Variants in VILL observed in about 807,000 individuals in gnomAD.
VILL encodes the protein villin like.
A neutral mutation model predicts 106.3 loss-of-function variants in VILL; 102 were observed. The observed-to-expected ratio is 0.96, with a 90% CI of 0.82 to 1.13. VILL has a LOEUF of 1.13. Ranked by LOEUF, VILL falls within the 50% of genes most tolerant of loss-of-function variation. The pLI is 0.00. For synonymous variants in VILL, 431 were observed against 440.3 expected (o/e 0.98, Z 0.27); for missense variants, 1,076 against 1,116.6 (o/e 0.96, Z 0.52).
intron 1 of VILL, among the ~76,000 whole-genome samples, chr3:37,991,925 A>C (rs1240820418): frequency 6.6e-6 from 1 of 152,076 alleles, no homozygotes; most frequent in Non-Finnish European, 1.5e-5. Flanking sequence ...AAAGAGAATG[A>C]ACACAGGTGC....
At chr3:38,002,346 A>G in intron 13 of VILL, 50 bp from the exon 14 acceptor site, 2 of 1,537,012 alleles carry the variant, frequency 1.3e-6, no homozygotes, top group South Asian at 2.5e-5. Context: ...CTGGGACAGG[A>G]AGGCGCCCCT....
At chr3:38,005,101 T>C (rs140822903) in intron 16 of VILL, among the ~76,000 whole-genome samples, 1 of 152,218 alleles carries the variant, frequency 6.6e-6, no homozygotes, top group Non-Finnish European at 1.5e-5. Context: ...GATGACTGTG[T>C]GTCTGTGTAA....
rs367971860 is a variant in VILL at position 37,999,292 on chromosome 3, T to TG, written c.1082-38dup. 6.8e-3 allele frequency: 5,485 copies of TG among 809,882 alleles called. 11 individuals carry two copies. The highest frequency in any genetic ancestry group is 0.03 in the South Asian group (1,042 of 34,902). The allele number at this position is 809,882 out of a possible 1,614,324, so 50.2% of individuals were successfully genotyped here. A position where few individuals can be genotyped will look rare whatever the true frequency, so the allele number is the denominator to read the frequency against. On this transcript the variant is annotated intron_variant, in intron 10 of 19. Transcript: ENST00000383759. ...GGAGTGGGCGGGGCGGAGATGGTGT[T>TG]GGGGGGGGGCAGAGGGCGCCACTGA...
At chr3:38,005,246 C>G (rs1372778563) in intron 16 of VILL, among the ~76,000 whole-genome samples, 2 of 152,152 alleles carry the variant, frequency 1.3e-5, no homozygotes, top group South Asian at 4.1e-4. Context: ...GTGACCTGGC[C>G]AGCCCCAACT....
At chr3:37,995,662 G>A (rs1426338818) in intron 4 of VILL, 77 bp from the exon 5 acceptor site, 1 of 1,223,482 alleles carries the variant, frequency 8.2e-7, no homozygotes, top group South Asian at 1.2e-5. Context: ...GCTCACATCT[G>A]CAGTCATTCA....
intron 5 of VILL, 80 bp from the exon 6 acceptor site, chr3:37,996,997 C>A: frequency 1.6e-6 from 2 of 1,284,624 alleles, no homozygotes; most frequent in Non-Finnish European, 2.3e-6. Flanking sequence ...GCTTCATGCA[C>A]ACGTGACACA....
chr3:37,990,453 G>C (rs573968738), upstream of VILL, among the ~76,000 whole-genome samples: 2 of 152,156 alleles, frequency 1.3e-5, no homozygotes, highest in Admixed American at 6.5e-5. The surrounding 1 kb of genome is among the most constrained non-coding windows in gnomAD (Gnocchi z 5.1). Flanking sequence ...CCACCACTCC[G>C]GGTGAGGGAT....
intron 15 of VILL, chr3:38,004,025 G>A: frequency 2.1e-6 from 1 of 473,482 alleles, no homozygotes; most frequent in Non-Finnish European, 3.7e-6. Flanking sequence ...GGAAATTCAT[G>A]GGGCACCTTG....
At chr3:38,002,105 C>T in intron 13 of VILL, 2 of 680,398 alleles carry the variant, frequency 2.9e-6, no homozygotes. Flanking sequence ...TGGGGCTGCA[C>T]ACTAGCAAAC....
rs1699662955 is a variant in VILL at position 37,994,368 on chromosome 3, G to T, written c.243G>T (p.Gln81His). The T allele has an allele frequency of 6.2e-7, 1 of 1,611,996 alleles. No homozygotes were observed. Among genetic ancestry groups the T allele is most frequent in the African/African-American group, 1.3e-5 (1 of 74,928 alleles). Residue 81 changes from glutamine to histidine, a missense_variant, in exon 4 of 20, where the codon CAG (glutamine) becomes CAT (histidine). Transcript: ENST00000383759. ...EAQGAAEAFQ[Q>H]RLQDELGGQT... ...AGGGCGCTGCGGAGGCCTTCCAGCAGCGCCTACAGGACGAGCTGGGGGGCC... is the reference window on the plus strand; with the variant it reads ...AGGGCGCTGCGGAGGCCTTCCAGCATCGCCTACAGGACGAGCTGGGGGGCC...
intron 3 of VILL, 40 bp downstream of exon 3, chr3:37,994,012 G>T: frequency 6.2e-7 from 1 of 1,610,332 alleles, no homozygotes; most frequent in South Asian, 1.1e-5. Context: ...GGGGTGGCAT[G>T]GCCCGGCACT....
chr3:38,006,994 A>C lies in VILL; in HGVS notation c.2510A>C (p.Glu837Ala). The C allele has an allele frequency of 6.2e-7, 1 of 1,614,026 alleles. No homozygotes were observed. The highest frequency in any genetic ancestry group is 1.3e-5 in the African/African-American group (1 of 74,986). The change falls in exon 20 of 20, where the codon GAA (glutamate) becomes GCA (alanine). Residue 837 changes from glutamate to alanine, a missense_variant. Glu to Ala is a moderately radical substitution (Grantham distance 107). Coordinates refer to ENST00000383759, the MANE Select transcript of VILL (RefSeq NM_015873.4). ...GATATCTTTGGGAAATCCAAGGAGG[A>C]ATTCTACAGCATGGCCACGTGGAGG... Reference protein sequence around the residue: ...FQDIFGKSKEEFYSMATWRQR... With the variant: ...FQDIFGKSKEAFYSMATWRQR...
intron 15 of VILL, 181 bp downstream of exon 15, chr3:38,003,494 A>C: frequency 1.3e-6 from 1 of 767,496 alleles, no homozygotes; most frequent in African/African-American, 1.9e-5. Flanking sequence ...AGGCCTGGGT[A>C]ACTTGCGTCT....
chr3:37,993,802 C>G (rs931566363), intron 2 of VILL, 70 bp downstream of exon 2: 2 of 1,606,854 alleles, frequency 1.2e-6, no homozygotes, highest in African/African-American at 2.7e-5. Flanking sequence ...CTAGGCTTCT[C>G]CCGCCCCCAA....
rs1474517114 is a variant in VILL at position 38,001,515 on chromosome 3, G to A, written c.1242G>A (p.Leu414=). 2.5e-6 allele frequency: 4 copies of A among 1,614,186 alleles called. No homozygotes were observed. The highest frequency in any genetic ancestry group is 3.4e-6 in the Non-Finnish European group (4 of 1,180,022). Residue 414 remains leucine (L), a synonymous_variant, in exon 12 of 20, where the codon CTG becomes CTA. Coordinates refer to ENST00000383759, the MANE Select transcript of VILL (RefSeq NM_015873.4). Reference sequence around the variant, plus strand: ...TGGACCCCAAGCGTCATGGACAGCTGTGTGCAGGCAACTGCTACCTTGTGC... The same window carrying A: ...TGGACCCCAAGCGTCATGGACAGCTATGTGCAGGCAACTGCTACCTTGTGC... ...QPVDPKRHGQ[L]CAGNCYLVLY...
intron 1 of VILL, 42 bp from the exon 2 acceptor site, chr3:37,993,545 T>C (rs1378719190): frequency 1.3e-6 from 1 of 786,766 alleles, no homozygotes; most frequent in African/African-American, 1.7e-5. Flanking sequence ...CATTTGTGTG[T>C]TTACAGAGCC....
chr3:37,998,811 G>T lies in VILL; in HGVS notation c.943-101G>T. On this transcript the variant is annotated intron_variant, in intron 9 of 19. Coordinates refer to ENST00000383759, the MANE Select transcript of VILL (RefSeq NM_015873.4). This position sits in a 1 kb window ranked among gnomAD's most constrained non-coding sequence, Gnocchi z 4.1. ...TGGGTCATGAGCTCGGTTAATTAAC[G>T]CTTCTTGGAGCTCGGCTGTCCCAGA... The T allele has an allele frequency of 6.8e-7, 1 of 1,470,398 alleles. No individual in the cohort carries two copies. Among genetic ancestry groups the T allele is most frequent in the South Asian group, 1.4e-5 (1 of 72,146 alleles). 91.1% of individuals were successfully genotyped at this position (1,470,398 alleles called of 1,614,324 possible). A position where few individuals can be genotyped will look rare whatever the true frequency, so the allele number is the denominator to read the frequency against.
At position 38,001,805 on chromosome 3, in the gene VILL, GC is replaced by G. The variant is rs1699822373; in HGVS notation, c.1425del (p.Ser476AlafsTer15). The G allele has an allele frequency of 1.2e-6, 2 of 1,614,174 alleles. No individual in the cohort carries two copies. The highest frequency in any genetic ancestry group is 4.5e-5 in the East Asian group (2 of 44,888). ...GVLVQEHVTM[G>X]SEPPHFLAIF... ...CTAGTACAGGAGCATGTGACCATGG[GC>G]AGCGAGCCCCCCCACTTCCTCGCCA... On this transcript the variant is annotated frameshift_variant, in exon 13 of 20. Coordinates refer to ENST00000383759, the MANE Select transcript of VILL (RefSeq NM_015873.4). LOFTEE classifies it high-confidence loss of function.
rs775935864 is a variant in VILL, at chr3:37,995,884, C to T, written c.450+37C>T. The T allele has an allele frequency of 1.8e-5, 28 of 1,565,494 alleles. No homozygotes were observed. The Admixed American group carries it at 2.0e-4, about 11-fold the overall frequency. On this transcript the variant is annotated intron_variant, in intron 5 of 19. Coordinates refer to ENST00000383759, the MANE Select transcript of VILL (RefSeq NM_015873.4). ...AGGGGAGCCTCTTGACCTCTGAACT[C>T]GGCTCAGACTGGGTGTACTGAGGTA...
Sources: gnomAD v4.1 joint callset for allele counts (sites outside exome capture counted in the v4.1 genomes callset) on GRCh38, gnomAD v4.1.1 for gene constraint, Gnocchi (gnomAD v3.1) non-coding constraint, MANE v1.5 for transcripts, NCBI Gene and HGNC (gene_info 2026-07-23, HGNC 2026-07-21) for gene names.